The following AMZ1 variants were observed in gnomAD, a reference collection of about 807,000 sequenced individuals.
AMZ1 encodes archaemetzincin-1.
In AMZ1, 39 loss-of-function variants were observed where a neutral mutation model predicts 29.9. That is an observed-to-expected ratio of 1.30 (90% CI 1.01 to 1.70). The LOEUF is 1.70. Ranked by LOEUF, AMZ1 falls within the 40% of genes most tolerant of loss-of-function variation. AMZ1 has a pLI of 0.00. For missense variants in AMZ1, 1,041 were observed against 680.6 expected (o/e 1.53, Z -5.89); for synonymous variants, 458 against 304.0 (o/e 1.51, Z -5.27).
rs752013398 is a variant in AMZ1 at position 2,708,578 on chromosome 7, C to T, written c.473-10C>T. On this transcript the variant is annotated splice_polypyrimidine_tract_variant and intron_variant, in intron 3 of 6. Coordinates refer to ENST00000683327, the MANE Select transcript of AMZ1 (RefSeq NM_001384743.1). The stretch of plus-strand genomic sequence containing the variant: ...CCTCCTGACCCCATCCTCTGGCCCT[C>T]TCCCCGCAGACGGCATCCTGTCCTT... 7 of 1,611,856 alleles carry T rather than the reference C, an allele frequency of 4.3e-6. No individual in the cohort carries two copies. In the East Asian group the frequency reaches 1.3e-4, roughly 31 times the overall value.
At chr7:2,692,378 A>T (rs1419290291) in intron 1 of AMZ1, among the ~76,000 whole-genome samples, 12 of 151,998 alleles carry the variant, frequency 7.9e-5, no homozygotes, top group Admixed American at 7.9e-4. Context: ...TCTCTACTAA[A>T]AATACAAAAA....
At chr7:2,746,162 A>C (rs1180904277) in intron 4 of AMZ1, among the ~76,000 whole-genome samples, 1 of 152,216 alleles carries the variant, frequency 6.6e-6, no homozygotes. Context: ...GCTCTGCACC[A>C]AGCAGACCTA....
At chr7:2,683,435 GTT>G (rs1487273558), upstream of AMZ1, among the ~76,000 whole-genome samples, 3 of 142,620 alleles carry the variant, frequency 2.1e-5, no homozygotes, top group African/African-American at 8.6e-5. Flanking sequence ...TTGTTTGTTT[GTT>G]TTTGTTTTTG....
Position 2,715,789 on chromosome 7 carries a change from G to C in AMZ1, c.*2911G>C, listed in dbSNP as rs1789087724. On this transcript the variant is annotated 3_prime_UTR_variant, in exon 7 of 7. Coordinates refer to ENST00000683327, the MANE Select transcript of AMZ1 (RefSeq NM_001384743.1). ...CAGGAAAGACGCAAGGCAGAGGAGAGAGAATGAGGGCTGCCTTCTCGAGGA... is the reference window on the plus strand; with the variant it reads ...CAGGAAAGACGCAAGGCAGAGGAGACAGAATGAGGGCTGCCTTCTCGAGGA... 1.3e-5 allele frequency: 2 copies of C among 152,364 alleles called. No individual in the cohort carries two copies. Among genetic ancestry groups the C allele is most frequent in the South Asian group, 4.1e-4 (2 of 4,826 alleles). The allele number at this position is 152,364 out of a possible 1,614,324, so 9.4% of individuals were successfully genotyped here.
At chr7:2,739,989 G>A (rs1790417519) in intron 4 of AMZ1, among the ~76,000 whole-genome samples, 1 of 152,112 alleles carries the variant, frequency 6.6e-6, no homozygotes, top group Non-Finnish European at 1.5e-5. Context: ...TGGTAATTCT[G>A]TGCTTAATTT....
intron 4 of AMZ1, among the ~76,000 whole-genome samples, chr7:2,759,514 A>G (rs749579935): frequency 2.0e-5 from 3 of 152,238 alleles, no homozygotes; most frequent in Non-Finnish European, 4.4e-5. Flanking sequence ...GGTGGTAAAA[A>G]GACAAGTAAA....
chr7:2,709,294 G>C (rs763477359), intron 5 of AMZ1, 50 bp downstream of exon 5: 7 of 1,458,994 alleles, frequency 4.8e-6, no homozygotes, highest in Non-Finnish European at 5.4e-6. Context: ...GGTGCTGTCT[G>C]AGCCCTTGGT....
rs1041056812 is a variant in AMZ1 at position 2,737,274 on chromosome 7, GTTTTTT to G, written n.551-27429_551-27424del. 2.6e-4 allele frequency among the ~76,000 whole-genome samples: 9 copies of G among 35,032 alleles called. No homozygotes were observed. In the Admixed American group the frequency reaches 2.9e-3, roughly 11 times the overall value. The allele number at this position is 35,032 out of a possible 152,430, so 23.0% of individuals were successfully genotyped here. On this transcript the variant is annotated intron_variant and non_coding_transcript_variant, in intron 4 of 4. Coordinates refer to the AMZ1 transcript ENST00000489665. Reference sequence around the variant, plus strand: ...AGGAGCTATCTCACAGTTTTGTTTTGTTTTTTTTTTTTTTGTTTTTTTTTTTTTTTT... The same window carrying G: ...AGGAGCTATCTCACAGTTTTGTTTTGTTTTTTTTGTTTTTTTTTTTTTTTT...
chr7:2,720,482 C>T (rs955706427), downstream of AMZ1, among the ~76,000 whole-genome samples: 2 of 151,942 alleles, frequency 1.3e-5, no homozygotes, highest in African/African-American at 4.8e-5. Flanking sequence ...TGGCTCACTG[C>T]AACCTCCGCC....
chr7:2,691,045 G>C (rs1013037811), intron 1 of AMZ1, among the ~76,000 whole-genome samples: 3 of 146,664 alleles, frequency 2.0e-5, no homozygotes, highest in Non-Finnish European at 4.4e-5. Context: ...GGAGGCTGAG[G>C]CATGAGAATC....
intron 1 of AMZ1, among the ~76,000 whole-genome samples, chr7:2,694,778 T>G (rs1787607073): frequency 6.6e-6 from 1 of 151,990 alleles, no homozygotes; most frequent in Non-Finnish European, 1.5e-5. Context: ...ATTCAAGCGA[T>G]TCTCCTGCCT....
chr7:2,702,893 A>G lies in AMZ1; in HGVS notation c.472+4A>G, dbSNP rs755436274. The G allele has an allele frequency of 1.3e-5, 20 of 1,580,888 alleles. No homozygotes were observed. Among genetic ancestry groups the G allele is most frequent in the Middle Eastern group, 1.7e-4 (1 of 6,038 alleles). On this transcript the variant is annotated splice_donor_region_variant and intron_variant, in intron 3 of 6. Transcript: ENST00000683327. ...GACAGGCTCCAGCTCCACACAGGTG[A>G]GTGAGGACGGCAGCCGCCGCTCAGG...
rs531554508 is a variant in AMZ1 at position 2,702,760 on chromosome 7, C to G, written c.343C>G (p.Gln115Glu). The change falls in exon 3 of 7, where the codon CAG becomes GAG. Residue 115 changes from glutamine (Q) to glutamate (E), a missense_variant. By Grantham distance (29) the Gln-to-Glu change is conservative. Transcript: ENST00000683327. ...EEPVGSSLLH[Q>E]LCSCTEAFFL... The stretch of plus-strand genomic sequence containing the variant: ...GCCGGTGGGAAGCTCCCTGCTGCAC[C>G]AGCTGTGCAGCTGCACAGAGGCCTT... The G allele has an allele frequency of 1.7e-5, 26 of 1,541,904 alleles. No homozygotes were observed. Among genetic ancestry groups the G allele is most frequent in the East Asian group, 2.4e-5 (1 of 40,942 alleles).
upstream of AMZ1, among the ~76,000 whole-genome samples, chr7:2,687,857 A>C (rs1787143910): frequency 6.6e-6 from 1 of 151,166 alleles, no homozygotes. Context: ...GCGCTGGTTC[A>C]CCCCTCTCAC....
chr7:2,713,387 C>T lies in AMZ1; in HGVS notation c.*509C>T, dbSNP rs60590917. On this transcript the variant is annotated 3_prime_UTR_variant, in exon 7 of 7. Coordinates refer to ENST00000683327, the MANE Select transcript of AMZ1 (RefSeq NM_001384743.1). ...TGGGTGCTTCTCGTGGAGTACAAGC[C>T]GGACTGTGCTGAGGTTGGGACAGAG... 0.13 allele frequency: 20,040 copies of T among 152,728 alleles called. 1,418 individuals are homozygous for T. The highest frequency in any genetic ancestry group is 0.24 in the Middle Eastern group (71 of 296). 9.5% of individuals were successfully genotyped at this position (152,728 alleles called of 1,614,324 possible). A position where few individuals can be genotyped will look rare whatever the true frequency, so the allele number is the denominator to read the frequency against.
At chr7:2,691,139 A>AAG (rs1248781674) in intron 1 of AMZ1, among the ~76,000 whole-genome samples, 1 of 136,186 alleles carries the variant, frequency 7.3e-6, no homozygotes, top group East Asian at 2.0e-4. Flanking sequence ...GGCAAAAAAA[A>AAG]AAAAAAAAAA....
At chr7:2,752,347 G>C (rs1791082339) in intron 4 of AMZ1, among the ~76,000 whole-genome samples, 2 of 152,156 alleles carry the variant, frequency 1.3e-5, no homozygotes. Context: ...AGTCATGGTG[G>C]ACCACTGAGT....
intron 4 of AMZ1, among the ~76,000 whole-genome samples, chr7:2,743,623 G>T (rs1055565262): frequency 6.6e-6 from 1 of 152,142 alleles, no homozygotes; most frequent in African/African-American, 2.4e-5. Context: ...TGCAGAAGAC[G>T]GGTGATTTCT....
chr7:2,710,793 G>A (rs1788723883), intron 6 of AMZ1, among the ~76,000 whole-genome samples: 1 of 152,228 alleles, frequency 6.6e-6, no homozygotes, highest in Admixed American at 6.5e-5. Flanking sequence ...GCGCAGCCAT[G>A]GCTGAGGGTA....
Sources: gnomAD v4.1 joint callset for allele counts (sites outside exome capture counted in the v4.1 genomes callset) on GRCh38, gnomAD v4.1.1 for gene constraint, MANE v1.5 for transcripts, NCBI Gene and HGNC (gene_info 2026-07-23, HGNC 2026-07-21) for gene names.